FDPS: variants seen among roughly 807,000 people sequenced by gnomAD.
FDPS encodes farnesyl diphosphate synthase, also known as farnesyl pyrophosphate synthase.
FDPS carries 29 observed loss-of-function variants against 49.5 expected under a neutral mutation model. The observed-to-expected ratio is 0.59, with a 90% CI of 0.44 to 0.80. The LOEUF (loss-of-function observed/expected upper bound fraction) is 0.80, where lower values mean the gene tolerates loss of function less well. FDPS is among the 30% of genes least tolerant of loss of function. The pLI, the probability that FDPS is intolerant of heterozygous loss-of-function variation, is 0.00. For synonymous variants in FDPS, 172 were observed against 206.4 expected (o/e 0.83, Z 1.43); for missense variants, 414 against 525.6 (o/e 0.79, Z 2.08).
intron 3 of FDPS, among the ~76,000 whole-genome samples, chr1:155,311,110 G>A (rs1002812807): frequency 6.6e-6 from 1 of 151,968 alleles, no homozygotes. Context: ...AGGCTGAGGT[G>A]GGGGGGATCA....
rs371872906 is a variant in FDPS, at chr1:155,319,832, C to G, written c.963C>G (p.Thr321=). The G allele has an allele frequency of 1.2e-5, 20 of 1,614,006 alleles. No homozygotes were observed. The highest frequency in any genetic ancestry group is 1.7e-5 in the Non-Finnish European group (20 of 1,180,028). ...ACCTCTTTGGGGACCCCAGTGTGAC[C>G]GGCAAAATTGGCACTGACATCCAGG... The part of the protein sequence containing the change: ...YLDLFGDPSV[T]GKIGTDIQDN... Residue 321 remains threonine (T), a synonymous_variant, in exon 10 of 11, where the codon ACC becomes ACG. Coordinates refer to ENST00000368356, the MANE Select transcript of FDPS (RefSeq NM_002004.4).
rs1572102880 is a variant in FDPS, at chr1:155,319,820, C to A, written c.951C>A (p.Asp317Glu). 1.2e-6 allele frequency: 2 copies of A among 1,614,148 alleles called. No homozygotes were observed. Among genetic ancestry groups the A allele is most frequent in the Middle Eastern group, 1.6e-4 (1 of 6,062 alleles). Residue 317 changes from aspartate to glutamate, a missense_variant, in exon 10 of 11, where the codon GAC (aspartate) becomes GAA (glutamate). Asp to Glu is a conservative substitution (Grantham distance 45). Coordinates refer to ENST00000368356, the MANE Select transcript of FDPS (RefSeq NM_002004.4). ...ATGATTACCTTGACCTCTTTGGGGA[C>A]CCCAGTGTGACCGGCAAAATTGGCA... The part of the protein sequence containing the change: ...IQDDYLDLFG[D>E]PSVTGKIGTD...
chr1:155,313,804 G>A (rs1649039289), intron 4 of FDPS, among the ~76,000 whole-genome samples: 1 of 152,034 alleles, frequency 6.6e-6, no homozygotes, highest in Admixed American at 6.6e-5. Flanking sequence ...AGGGGCCAGT[G>A]GTTAACTGGT....
intron 4 of FDPS, 68 bp downstream of exon 4, chr1:155,312,463 G>C: frequency 3.7e-4 from 456 of 1,232,736 alleles, no homozygotes; most frequent in Non-Finnish European, 5.0e-4. Flanking sequence ...GAAGGGGAGG[G>C]ATGGGCCTGA....
intron 4 of FDPS, among the ~76,000 whole-genome samples, chr1:155,314,211 G>A (rs939347674): frequency 7.0e-6 from 1 of 142,890 alleles, no homozygotes; most frequent in Admixed American, 7.0e-5. Context: ...TTTGATACAG[G>A]GTCTTACTCT....
At chr1:155,312,221 C>T in intron 3 of FDPS, 34 bp from the exon 4 acceptor site, 3 of 1,611,702 alleles carry the variant, frequency 1.9e-6, no homozygotes, top group Non-Finnish European at 1.7e-6. Context: ...CTGTATGGAC[C>T]CTGATACCCT....
intron 4 of FDPS, among the ~76,000 whole-genome samples, chr1:155,313,268 C>T (rs895512032): frequency 6.6e-6 from 1 of 152,266 alleles, no homozygotes; most frequent in Admixed American, 6.5e-5. Context: ...TGCTCCAATC[C>T]CCACATCCCC....
rs757869821 is a variant in FDPS at position 155,310,136 on chromosome 1, C to G, written c.270C>G (p.Ile90Met). 77 of 1,613,778 alleles carry G rather than the reference C, an allele frequency of 4.8e-5. No individual in the cohort carries two copies. Among genetic ancestry groups the G allele is most frequent in the Non-Finnish European group, 6.0e-5 (71 of 1,179,860 alleles). Residue 90 changes from isoleucine to methionine, a missense_variant, in exon 3 of 11, where the codon ATC becomes ATG. Coordinates refer to ENST00000368356, the MANE Select transcript of FDPS (RefSeq NM_002004.4). ...ATTTCGTTCAGCACTTCTCCCAGAT[C>G]GTTAGGGTGCTGACTGAGGATGAGA... ...KQDFVQHFSQ[I>M]VRVLTEDEMG...
At chr1:155,311,325 C>T (rs765227017) in intron 3 of FDPS, among the ~76,000 whole-genome samples, 9 of 151,750 alleles carry the variant, frequency 5.9e-5, no homozygotes, top group Non-Finnish European at 1.0e-4. Flanking sequence ...AGTGACATAG[C>T]GAGATGAAGT....
Position 155,320,394 on chromosome 1 carries a change from T to G in FDPS, c.1060-15T>G, listed in dbSNP as rs1650213892. ...GAAGGCCAAGCCCGTTTTCCTGTCT[T>G]TCAACCTCTTCCAGGAAAATTACGG... On this transcript the variant is annotated splice_polypyrimidine_tract_variant and intron_variant, in intron 10 of 10. Coordinates refer to ENST00000368356, the MANE Select transcript of FDPS (RefSeq NM_002004.4). The G allele has an allele frequency of 6.2e-7, 1 of 1,609,210 alleles. No homozygotes were observed. The highest frequency in any genetic ancestry group is 8.5e-7 in the Non-Finnish European group (1 of 1,178,024).
In FDPS at chr1:155,312,343, A is replaced by T. The variant is rs1446027423; in HGVS notation, c.428A>T (p.Gln143Leu). 1.2e-6 allele frequency: 2 copies of T among 1,613,262 alleles called. No homozygotes were observed. The highest frequency in any genetic ancestry group is 1.1e-5 in the South Asian group (1 of 91,056). Residue 143 changes from glutamine to leucine, a missense_variant, in exon 4 of 11, where the codon CAG becomes CTG. By Grantham distance (113) the Gln-to-Leu change is moderately radical. Transcript: ENST00000368356. ...AFRELVEPRKQDADSLQRAWT... is the reference protein window; with the variant it reads ...AFRELVEPRKLDADSLQRAWT... ...CGGGAGCTGGTGGAGCCAAGGAAAC[A>T]GGATGCTGATAGTCTCCAGCGGGCC...
In FDPS at chr1:155,318,963, G is replaced by A; in HGVS notation, c.846+35G>A. On this transcript the variant is annotated intron_variant, in intron 8 of 10. Coordinates refer to ENST00000368356, the MANE Select transcript of FDPS (RefSeq NM_002004.4). The surrounding 1 kb of genome is among the most constrained non-coding windows in gnomAD (Gnocchi z 4.2). Reference sequence around the variant, plus strand: ...CCTCCTCACCCCTCTCTGCTCTGCTGATGGGGGCTTTTGGACAGCAAGGCA... The same window carrying A: ...CCTCCTCACCCCTCTCTGCTCTGCTAATGGGGGCTTTTGGACAGCAAGGCA... 2.0e-6 allele frequency: 3 copies of A among 1,521,654 alleles called. No homozygotes were observed. In the South Asian group the frequency reaches 3.4e-5, roughly 17 times the overall value. The allele number at this position is 1,521,654 out of a possible 1,614,324, so 94.3% of individuals were successfully genotyped here. A position where few individuals can be genotyped will look rare whatever the true frequency, so the allele number is the denominator to read the frequency against.
intron 3 of FDPS, 57 bp from the exon 4 acceptor site, chr1:155,312,198 C>T: frequency 1.3e-6 from 2 of 1,595,898 alleles, no homozygotes; most frequent in East Asian, 4.5e-5. Context: ...AAGGAGAAAA[C>T]TCACAGTAGC....
intron 8 of FDPS, 139 bp from the exon 9 acceptor site, chr1:155,319,472 T>C (rs1649977912): frequency 1.2e-6 from 1 of 841,908 alleles, no homozygotes. Context: ...GTCAGGACTG[T>C]CTAGGTCAGG....
In FDPS at chr1:155,309,771, T is replaced by C; in HGVS notation, c.-1-18T>C. ...CCTGCAGGGAGTGCTTAGTGCCCCC[T>C]CCCTATGCCACTCCCAGGATGCCCC... On this transcript the variant is annotated intron_variant, in intron 1 of 10. Coordinates refer to ENST00000368356, the MANE Select transcript of FDPS (RefSeq NM_002004.4). 1 of 1,519,222 alleles carries C rather than the reference T, an allele frequency of 6.6e-7. No homozygotes were observed. The highest frequency in any genetic ancestry group is 1.4e-5 in the African/African-American group (1 of 73,382). 94.1% of individuals were successfully genotyped at this position (1,519,222 alleles called of 1,614,324 possible).
chr1:155,319,105 G>C (rs554965592), intron 8 of FDPS, among the ~76,000 whole-genome samples, 177 bp downstream of exon 8: 66 of 152,308 alleles, frequency 4.3e-4, no homozygotes, highest in African/African-American at 1.4e-3. Flanking sequence ...TCACAGGACT[G>C]TAAAGATTAA....
chr1:155,310,180 G>A lies in FDPS; in HGVS notation c.314G>A (p.Gly105Glu). ...GATGAGATGGGGCACCCAGAGATAGGAGATGCTATTGCCCGGCTCAAGGAG... is the reference window on the plus strand; with the variant it reads ...GATGAGATGGGGCACCCAGAGATAGAAGATGCTATTGCCCGGCTCAAGGAG... ...TEDEMGHPEI[G>E]DAIARLKEVL... is the part of the protein sequence containing the mutation. Residue 105 changes from glycine to glutamate, a missense_variant, in exon 3 of 11, where the codon GGA (glycine) becomes GAA (glutamate). Transcript: ENST00000368356. The A allele has an allele frequency of 1.9e-6, 3 of 1,613,918 alleles. No homozygotes were observed. Among genetic ancestry groups the A allele is most frequent in the Non-Finnish European group, 2.5e-6 (3 of 1,179,872 alleles).
chr1:155,312,313 C>T lies in FDPS; in HGVS notation c.398C>T (p.Ala133Val), dbSNP rs1159326727. 6.2e-7 allele frequency: 1 copy of T among 1,614,156 alleles called. No individual in the cohort carries two copies. Among genetic ancestry groups the T allele is most frequent in the South Asian group, 1.1e-5 (1 of 91,078 alleles). ...AACCGGGGTTTGACGGTGGTAGTAG[C>T]ATTCCGGGAGCTGGTGGAGCCAAGG... is the stretch of plus-strand genomic sequence containing the variant. ...KYNRGLTVVV[A>V]FRELVEPRKQ... The change falls in exon 4 of 11, where the codon GCA becomes GTA. Residue 133 changes from alanine (A) to valine (V), a missense_variant. Transcript: ENST00000368356.
chr1:155,316,111 C>A (rs1224360162), intron 4 of FDPS, among the ~76,000 whole-genome samples: 1 of 151,120 alleles, frequency 6.6e-6, no homozygotes, highest in Non-Finnish European at 1.5e-5. Context: ...AAAAATTAGC[C>A]GGGTGTGATG....
Sources: gnomAD v4.1 joint callset for allele counts (sites outside exome capture counted in the v4.1 genomes callset) on GRCh38, gnomAD v4.1.1 for gene constraint, Gnocchi (gnomAD v3.1) non-coding constraint, MANE v1.5 for transcripts, NCBI Gene and HGNC (gene_info 2026-07-23, HGNC 2026-07-21) for gene names.